IFT140: variants seen among roughly 807,000 people sequenced by gnomAD.
IFT140 encodes the protein intraflagellar transport 140, also known as intraflagellar transport protein 140 homolog.
In IFT140, 133 loss-of-function variants were observed where a neutral mutation model predicts 164.6. The observed-to-expected ratio is 0.81, with a 90% CI of 0.70 to 0.93. The LOEUF is 0.93. Ranked by LOEUF, IFT140 falls within the 40% of genes least tolerant of loss-of-function variation. IFT140 has a pLI of 0.00. For synonymous variants in IFT140, 860 were observed against 817.3 expected (o/e 1.05, Z -0.89); for missense variants, 2,045 against 1,972.3 (o/e 1.04, Z -0.70).
At chr16:1,577,977 G>A (rs1366847157) in intron 13 of IFT140, 1 of 152,222 alleles carries the variant, frequency 6.6e-6, no homozygotes, top group Non-Finnish European at 1.5e-5. Context: ...AGCAACAAGT[G>A]TGCTTGCTCT....
intron 19 of IFT140, among the ~76,000 whole-genome samples, chr16:1,544,905 C>T (rs1159352107): frequency 6.6e-6 from 1 of 152,220 alleles, no homozygotes; most frequent in Non-Finnish European, 1.5e-5. Context: ...GCCTCGGCCT[C>T]CCAAAGTGCT....
chr16:1,594,499 G>A (rs1367396179), intron 4 of IFT140, among the ~76,000 whole-genome samples: 1 of 152,220 alleles, frequency 6.6e-6, no homozygotes, highest in Non-Finnish European at 1.5e-5. Context: ...AGGATTACGG[G>A]TGTGAGCCAC....
chr16:1,587,248 C>G lies in IFT140; in HGVS notation c.959G>C (p.Gly320Ala). ...NYILSPDEKF[G>A]FEKGENMNCV... Reference sequence around the variant, plus strand: ...GTTCATATTCTCTCCTTTCTCAAAGCCAAACTTCTCATCTGGACTCAGTAT... The same window carrying G: ...GTTCATATTCTCTCCTTTCTCAAAGGCAAACTTCTCATCTGGACTCAGTAT... Residue 320 changes from glycine (G) to alanine (A), a missense_variant, in exon 9 of 31, where the codon GGC becomes GCC. Transcript: ENST00000426508. 6.2e-7 allele frequency: 1 copy of G among 1,613,348 alleles called. No individual in the cohort carries two copies. The highest frequency in any genetic ancestry group is 8.5e-7 in the Non-Finnish European group (1 of 1,179,322).
chr16:1,583,211 C>CTT, intron 12 of IFT140, 103 bp downstream of exon 12: 1 of 1,017,104 alleles, frequency 9.8e-7, no homozygotes, highest in East Asian at 2.5e-5. Context: ...TCTCCCCAGC[C>CTT]CCTGTGCCAG....
intron 19 of IFT140, among the ~76,000 whole-genome samples, chr16:1,534,767 T>C (rs2030896586): frequency 6.6e-6 from 1 of 150,860 alleles, no homozygotes; most frequent in African/African-American, 2.4e-5. Flanking sequence ...CCCCACACAC[T>C]CCTCCTGCTC....
chr16:1,527,839 C>A (rs1279652975), intron 19 of IFT140, among the ~76,000 whole-genome samples: 3 of 152,250 alleles, frequency 2.0e-5, no homozygotes, highest in Admixed American at 2.0e-4. Flanking sequence ...TCCCACACTG[C>A]TGGGATGACA....
chr16:1,598,100 G>A (rs910490252), intron 4 of IFT140, among the ~76,000 whole-genome samples: 2 of 151,918 alleles, frequency 1.3e-5, no homozygotes, highest in African/African-American at 4.8e-5. Context: ...AAAAATGGAA[G>A]AAAAATCATC....
intron 12 of IFT140, among the ~76,000 whole-genome samples, chr16:1,581,153 C>T (rs1438731366): frequency 6.6e-6 from 1 of 152,228 alleles, no homozygotes; most frequent in African/African-American, 2.4e-5. Context: ...AGCAGCACAG[C>T]ATCTATGACA....
Position 1,568,057 on chromosome 16 carries a change from GA to G in IFT140, c.1770+159del, listed in dbSNP as rs1323367092. On this transcript the variant is annotated intron_variant, in intron 15 of 30. Transcript: ENST00000426508. ...GGAGGTTCCCGGAGAAGGTGGGAGG[GA>G]GAGACCCGGGGAGACGAGGGGAAGG... Among the ~76,000 whole-genome samples the G allele has an allele frequency of 3.3e-5, 5 of 152,324 alleles. No homozygotes were observed. In the South Asian group the frequency reaches 8.3e-4, roughly 25 times the overall value.
rs1223345116 is a variant in IFT140, at chr16:1,510,845, G to GT, written c.*98dup. 1.4e-5 allele frequency: 16 copies of GT among 1,136,572 alleles called. No homozygotes were observed. Among genetic ancestry groups the GT allele is most frequent in the South Asian group, 2.6e-5 (2 of 75,884 alleles). The allele number at this position is 1,136,572 out of a possible 1,614,324, so 70.4% of individuals were successfully genotyped here. A position where few individuals can be genotyped will look rare whatever the true frequency, so the allele number is the denominator to read the frequency against. On this transcript the variant is annotated 3_prime_UTR_variant, in exon 31 of 31. Coordinates refer to ENST00000426508, the MANE Select transcript of IFT140 (RefSeq NM_014714.4). ...CTGTCGCGTATTCCAACACAGACATGTTTTTTCCCAGCAAAAATGCTGGCT... is the reference window on the plus strand; with the variant it reads ...CTGTCGCGTATTCCAACACAGACATGTTTTTTTCCCAGCAAAAATGCTGGCT...
At chr16:1,519,116 G>A (rs755320956) in intron 29 of IFT140, among the ~76,000 whole-genome samples, 2 of 152,214 alleles carry the variant, frequency 1.3e-5, no homozygotes, top group Non-Finnish European at 1.5e-5. Flanking sequence ...TGTGGCCTCA[G>A]CTCAGCAGAC....
chr16:1,592,888 T>C (rs761704415), intron 4 of IFT140, among the ~76,000 whole-genome samples: 4 of 150,640 alleles, frequency 2.7e-5, no homozygotes, highest in Non-Finnish European at 4.4e-5. Flanking sequence ...GAGTGACTGG[T>C]GGAAGGACAG....
At chr16:1,604,837 C>A (rs751548093) in intron 3 of IFT140, among the ~76,000 whole-genome samples, 7 of 152,034 alleles carry the variant, frequency 4.6e-5, no homozygotes, top group Non-Finnish European at 1.0e-4. Context: ...GAAATGTCAA[C>A]AGTCATGCCC....
chr16:1,518,442 A>G lies in IFT140; in HGVS notation c.4041-85T>C, dbSNP rs372381797. 1.3e-4 allele frequency: 174 copies of G among 1,361,370 alleles called. No homozygotes were observed. The African/African-American group carries it at 2.3e-3, about 18-fold the overall frequency. The allele number at this position is 1,361,370 out of a possible 1,614,324, so 84.3% of individuals were successfully genotyped here. On this transcript the variant is annotated intron_variant, in intron 29 of 30. Transcript: ENST00000426508. ...GGTCAGAGGAGACTCTTGGCCTGTA[A>G]GAGGAGCTCTCCGGAATGGCAGGAG...
intron 19 of IFT140, among the ~76,000 whole-genome samples, chr16:1,543,188 G>T (rs943393116): frequency 6.6e-6 from 1 of 152,248 alleles, no homozygotes; most frequent in Non-Finnish European, 1.5e-5. Flanking sequence ...GGAGCTGCCC[G>T]CACCCTCCTT....
chr16:1,561,201 G>A (rs908701981), intron 18 of IFT140, among the ~76,000 whole-genome samples: 4 of 152,260 alleles, frequency 2.6e-5, no homozygotes, highest in African/African-American at 4.8e-5. Context: ...GCACTCCACC[G>A]TGTCTCAGAA....
intron 4 of IFT140, among the ~76,000 whole-genome samples, chr16:1,597,558 C>T (rs2035528277): frequency 6.6e-6 from 1 of 152,208 alleles, no homozygotes; most frequent in South Asian, 2.1e-4. Flanking sequence ...AAGCGCCTTG[C>T]ACCAAGTCTG....
At chr16:1,556,253 T>C (rs1314963491) in intron 19 of IFT140, among the ~76,000 whole-genome samples, 1 of 152,214 alleles carries the variant, frequency 6.6e-6, no homozygotes, top group African/African-American at 2.4e-5. Context: ...AGTCCTTGAG[T>C]TGGGCAGAAA....
At chr16:1,574,932 A>G (rs1210224256) in intron 13 of IFT140, among the ~76,000 whole-genome samples, 1 of 152,238 alleles carries the variant, frequency 6.6e-6, no homozygotes, top group African/African-American at 2.4e-5. Flanking sequence ...GCAGCCATGC[A>G]TCTGCATCCT....
Sources: allele counts gnomAD v4.1 joint callset (sites outside exome capture counted in the v4.1 genomes callset), GRCh38; gene constraint gnomAD v4.1.1; transcripts MANE v1.5; gene names NCBI Gene and HGNC (gene_info 2026-07-23, HGNC 2026-07-21).